The following ASAH1 variants were observed in gnomAD, a reference collection of about 807,000 sequenced individuals.
ASAH1 encodes the protein acid ceramidase.
Under a neutral mutation model 59.5 loss-of-function variants are expected in ASAH1, and 70 were observed. That is an observed-to-expected ratio of 1.18 (90% CI 0.97 to 1.43). ASAH1 has a LOEUF of 1.43. Among genes scored for constraint, ASAH1 ranks in the 40% most tolerant of loss-of-function variants. ASAH1 has a pLI of 0.00. For synonymous variants in ASAH1, 213 were observed against 166.5 expected, an observed-to-expected ratio of 1.28 and a Z score of -2.15; for missense variants, 660 against 482.5, an observed-to-expected ratio of 1.37 and a Z score of -3.45.
At position 18,066,429 on chromosome 8, in the gene ASAH1, A is replaced by G. The variant is rs1336443396; in HGVS notation, c.382+791T>C. On this transcript the variant is annotated intron_variant, in intron 5 of 13. Coordinates refer to ENST00000637790, the MANE Select transcript of ASAH1 (RefSeq NM_177924.5). ...AAAAGAAACAAAGAAAACCAAAAAA[A>G]AAAAAAAAAAGTCAATAAACTGTTC... 3 of 151,756 alleles carry G rather than the reference A, an allele frequency of 2.0e-5. No homozygotes were observed. The East Asian group carries it at 5.8e-4, about 29-fold the overall frequency. The allele number at this position is 151,756 out of a possible 1,614,324, so 9.4% of individuals were successfully genotyped here.
At chr8:18,070,439 C>T (rs1439035879) in intron 3 of ASAH1, among the ~76,000 whole-genome samples, 6 of 151,660 alleles carry the variant, frequency 4.0e-5, no homozygotes, top group South Asian at 4.2e-4. Context: ...TGAGCCACCG[C>T]GCCTGGCCTA....
At chr8:18,061,817 AG>A in intron 8 of ASAH1, 77 bp from the exon 9 acceptor site, 1 of 1,352,382 alleles carries the variant, frequency 7.4e-7, no homozygotes, top group Non-Finnish European at 1.0e-6. Flanking sequence ...TGTACTTCAG[AG>A]TGGGATATAA....
At chr8:18,071,963 T>G (rs1193685703) in intron 2 of ASAH1, among the ~76,000 whole-genome samples, 1 of 152,184 alleles carries the variant, frequency 6.6e-6, no homozygotes, top group African/African-American at 2.4e-5. Flanking sequence ...CTCTTCTCAT[T>G]TTCCTGGACA....
intron 6 of ASAH1, chr8:18,064,051 G>C (rs1389744686): frequency 3.3e-6 from 1 of 300,532 alleles, no homozygotes; most frequent in African/African-American, 2.2e-5. Context: ...TATCCATTGG[G>C]TTGCCTGGCT....
rs537367752 is a variant in ASAH1, at chr8:18,064,161, A to C, written c.457+296T>G. 17 of 528,106 alleles carry C rather than the reference A, an allele frequency of 3.2e-5. No individual in the cohort carries two copies. The East Asian group carries it at 4.8e-4, about 15-fold the overall frequency. The allele number at this position is 528,106 out of a possible 1,614,324, so 32.7% of individuals were successfully genotyped here. A position where few individuals can be genotyped will look rare whatever the true frequency, so the allele number is the denominator to read the frequency against. On this transcript the variant is annotated intron_variant, in intron 6 of 13. Coordinates refer to ENST00000637790, the MANE Select transcript of ASAH1 (RefSeq NM_177924.5). ...AGCACCTCCTGCGAGCACTTCCATCAAAGCATGTAGATGGGTAGAAGTAAA... is the reference window on the plus strand; with the variant it reads ...AGCACCTCCTGCGAGCACTTCCATCCAAGCATGTAGATGGGTAGAAGTAAA...
intron 2 of ASAH1, chr8:18,073,347 A>G (rs2117069846): frequency 1.4e-6 from 2 of 1,383,226 alleles, no homozygotes; most frequent in Non-Finnish European, 2.0e-6. Context: ...AGTCATCACA[A>G]TTTATTTTCC....
At chr8:18,069,228 C>G (rs1423057291) in intron 4 of ASAH1, among the ~76,000 whole-genome samples, 2 of 150,110 alleles carry the variant, frequency 1.3e-5, no homozygotes, top group Non-Finnish European at 1.5e-5. Flanking sequence ...ATCCCTTTAA[C>G]AGTTCTAGGG....
At position 18,069,739 on chromosome 8, in the gene ASAH1, A is replaced by C. The variant is rs4921567; in HGVS notation, c.303+53T>G. The C allele has an allele frequency of 0.45, 569,380 of 1,268,522 alleles. 131,533 individuals are homozygous for C. Among genetic ancestry groups the C allele is most frequent in the Admixed American group, 0.61 (35,061 of 57,838 alleles). The allele number at this position is 1,268,522 out of a possible 1,614,324, so 78.6% of individuals were successfully genotyped here. On this transcript the variant is annotated intron_variant, in intron 4 of 13. Coordinates refer to ENST00000637790, the MANE Select transcript of ASAH1 (RefSeq NM_177924.5). ...GCTGAATTATGCCTTTAAATAAATAACAGCGCATTTTCTATGTGCTTAACA... is the reference window on the plus strand; with the variant it reads ...GCTGAATTATGCCTTTAAATAAATACCAGCGCATTTTCTATGTGCTTAACA...
chr8:18,062,058 A>C, intron 8 of ASAH1: 1 of 651,718 alleles, frequency 1.5e-6, no homozygotes, highest in Non-Finnish European at 2.6e-6. Context: ...CTTGACACCC[A>C]GCCACATGCT....
Position 18,059,625 on chromosome 8 carries a change from A to G in ASAH1, c.864T>C (p.Ser288=). ...CTCGTGTAATCACACAACCTTCCCCAGACTGGTTGCCTCCCAGGATAAAGT... is the reference window on the plus strand; with the variant it reads ...CTCGTGTAATCACACAACCTTCCCCGGACTGGTTGCCTCCCAGGATAAAGT... ...PAYFILGGNQ[S]GEGCVITRDR... is the part of the protein sequence containing the mutation. The change falls in exon 11 of 14, where the codon TCT becomes TCC. Residue 288 remains serine, a synonymous_variant. Coordinates refer to ENST00000637790, the MANE Select transcript of ASAH1 (RefSeq NM_177924.5). 6.2e-7 allele frequency: 1 copy of G among 1,614,198 alleles called. No individual in the cohort carries two copies. Among genetic ancestry groups the G allele is most frequent in the Non-Finnish European group, 8.5e-7 (1 of 1,180,038 alleles).
intron 1 of ASAH1, among the ~76,000 whole-genome samples, chr8:18,082,931 C>G (rs1269418386): frequency 1.3e-5 from 2 of 152,104 alleles, no homozygotes; most frequent in Non-Finnish European, 2.9e-5. Flanking sequence ...TTAATCGTGT[C>G]CACATACATG....
chr8:18,075,651 T>G, intron 1 of ASAH1, 64 bp from the exon 2 acceptor site: 1 of 1,458,170 alleles, frequency 6.9e-7, no homozygotes, highest in Non-Finnish European at 9.6e-7. Flanking sequence ...ATAAGCAATT[T>G]CAAAAGTAGT....
At chr8:18,064,436 C>CGGCGG in intron 6 of ASAH1, 21 bp downstream of exon 6, 2 of 1,348,244 alleles carry the variant, frequency 1.5e-6, no homozygotes, top group Non-Finnish European at 2.1e-6. Context: ...TGCTGCCCAC[C>CGGCGG]CTCCCTCAGC....
Position 18,078,367 on chromosome 8 carries a change from G to A in ASAH1, c.79-2780C>T, listed in dbSNP as rs550761375. 5.9e-4 allele frequency among the ~76,000 whole-genome samples: 90 copies of A among 152,178 alleles called. 1 individual carries two copies. Among genetic ancestry groups the A allele is most frequent in the Admixed American group, 2.2e-3 (34 of 15,280 alleles). ...AACAATACATGTGGAGTGAGTCTGA[G>A]GTTGATAACGACTCTTGGTAGCAAT... On this transcript the variant is annotated intron_variant, in intron 1 of 13. Coordinates refer to ENST00000637790, the MANE Select transcript of ASAH1 (RefSeq NM_177924.5).
chr8:18,084,408 C>A (rs947313528), upstream of ASAH1: 20 of 1,393,128 alleles, frequency 1.4e-5, no homozygotes, highest in Non-Finnish European at 1.9e-5. Context: ...GAGCTTCACC[C>A]GTGGCGCCTC....
rs1476703812 is a variant in ASAH1 at position 18,075,350 on chromosome 8, A to G, written c.125+191T>C. ...TCTAGCGACGGGCATTTGAATCGGA[A>G]GATATTTTCATATTTGTCCAAGATC... On this transcript the variant is annotated intron_variant, in intron 2 of 13. Transcript: ENST00000637790. 5.6e-6 allele frequency: 4 copies of G among 714,812 alleles called. No individual in the cohort carries two copies. The Admixed American group carries it at 8.3e-5, about 15-fold the overall frequency. 44.3% of individuals were successfully genotyped at this position (714,812 alleles called of 1,614,324 possible).
chr8:18,062,255 A>C, intron 8 of ASAH1, 24 bp downstream of exon 8: 4 of 1,614,088 alleles, frequency 2.5e-6, no homozygotes, highest in Non-Finnish European at 3.4e-6. Flanking sequence ...TACCTGTATA[A>C]TTATGTAACA....
intron 2 of ASAH1, among the ~76,000 whole-genome samples, chr8:18,072,633 T>A (rs558553566): frequency 6.6e-6 from 1 of 152,236 alleles, no homozygotes; most frequent in East Asian, 1.9e-4. Context: ...AATGCTACAA[T>A]ACTTATATTC....
intron 5 of ASAH1, chr8:18,065,881 A>AG (rs1588984056): frequency 1.1e-5 from 1 of 87,356 alleles, no homozygotes; most frequent in Non-Finnish European, 2.4e-5. Flanking sequence ...ACAGATACAC[A>AG]TTGTGTGTGT....
Sources: gnomAD v4.1 joint callset for allele counts (sites outside exome capture counted in the v4.1 genomes callset) on GRCh38, gnomAD v4.1.1 for gene constraint, MANE v1.5 for transcripts, NCBI Gene and HGNC (gene_info 2026-07-23, HGNC 2026-07-21) for gene names.